Variants in BBX observed in about 807,000 individuals in gnomAD.
BBX encodes the protein HMG box transcription factor BBX.
BBX carries 30 observed loss-of-function variants against 100.2 expected under a neutral mutation model. The observed-to-expected ratio is 0.30, with a 90% CI of 0.22 to 0.41. BBX has a LOEUF of 0.41. Among genes scored for constraint, BBX ranks in the 10% least tolerant of loss-of-function variants. BBX has a pLI of 1.00. For missense variants in BBX, 1,023 were observed against 1,129.8 expected (o/e 0.91, Z 1.35); for synonymous variants, 376 against 388.1 (o/e 0.97, Z 0.37).
At chr3:107,798,910 G>A (rs1197636192) in intron 16 of BBX, among the ~76,000 whole-genome samples, 190 bp downstream of exon 16, 4 of 151,224 alleles carry the variant, frequency 2.6e-5, no homozygotes, top group Non-Finnish European at 4.4e-5. Flanking sequence ...CAACGCTTTA[G>A]GAGGCTGAGG....
chr3:107,689,128 T>C (rs2060008846), intron 3 of BBX, among the ~76,000 whole-genome samples: 2 of 152,354 alleles, frequency 1.3e-5, no homozygotes, highest in Middle Eastern at 3.4e-3. Flanking sequence ...CCTAAACTTT[T>C]ATTCTTAAGC....
intron 10 of BBX, among the ~76,000 whole-genome samples, chr3:107,756,275 G>A (rs761960794): frequency 4.6e-5 from 7 of 152,090 alleles, no homozygotes; most frequent in Non-Finnish European, 8.8e-5. Context: ...TGTTGCTAGG[G>A]TGGGCAAGGC....
intron 2 of BBX, among the ~76,000 whole-genome samples, chr3:107,570,948 A>T (rs908964496): frequency 1.3e-5 from 2 of 152,142 alleles, no homozygotes; most frequent in African/African-American, 2.4e-5. Flanking sequence ...TTTCGACAAA[A>T]ATCATCCAGA....
intron 2 of BBX, among the ~76,000 whole-genome samples, chr3:107,602,504 A>T (rs933470897): frequency 2.6e-5 from 4 of 152,194 alleles, no homozygotes; most frequent in Non-Finnish European, 4.4e-5. Context: ...ACTTGAGCCC[A>T]GGAGTTTGAG....
intron 2 of BBX, among the ~76,000 whole-genome samples, chr3:107,566,783 A>C (rs1417490198): frequency 6.6e-6 from 1 of 151,350 alleles, no homozygotes; most frequent in African/African-American, 2.4e-5. Context: ...TTTGTTTTTC[A>C]TGTATTTATT....
At chr3:107,668,432 G>A (rs1274121216) in intron 3 of BBX, among the ~76,000 whole-genome samples, 2 of 152,124 alleles carry the variant, frequency 1.3e-5, no homozygotes, top group South Asian at 2.1e-4. Flanking sequence ...TACACAGCAC[G>A]TATAGATGTG....
intron 12 of BBX, among the ~76,000 whole-genome samples, chr3:107,777,778 C>T (rs923188509): frequency 6.6e-6 from 1 of 152,108 alleles, no homozygotes; most frequent in Non-Finnish European, 1.5e-5. Flanking sequence ...TGTCTTCATT[C>T]TAGTCCACTC....
intron 3 of BBX, among the ~76,000 whole-genome samples, chr3:107,706,165 A>C (rs1423539663): frequency 6.6e-6 from 1 of 151,660 alleles, no homozygotes; most frequent in African/African-American, 2.4e-5. Context: ...TGGGACTACA[A>C]GTGCATGCCA....
At position 107,745,009 on chromosome 3, in the gene BBX, T is replaced by C. The variant is rs145458765; in HGVS notation, c.750+299T>C. Among the ~76,000 whole-genome samples the C allele has an allele frequency of 1.2e-3, 184 of 152,340 alleles. 1 individual carries two copies. The highest frequency in any genetic ancestry group is 2.0e-3 in the Non-Finnish European group (138 of 68,032). The stretch of plus-strand genomic sequence containing the variant: ...AATATATTGAATTACTATTAGAATT[T>C]AGTCATTTGTTGATGTGTTTATTTG... On this transcript the variant is annotated intron_variant, in intron 8 of 17. Coordinates refer to ENST00000325805, the MANE Select transcript of BBX (RefSeq NM_001142568.3).
At chr3:107,613,271 C>T (rs944432323) in intron 2 of BBX, among the ~76,000 whole-genome samples, 2 of 150,060 alleles carry the variant, frequency 1.3e-5, no homozygotes, top group Admixed American at 6.6e-5. Flanking sequence ...ACTACAAGCT[C>T]TGCCTCCCGG....
intron 3 of BBX, among the ~76,000 whole-genome samples, chr3:107,663,787 TTTTC>T (rs777809020): frequency 6.6e-6 from 1 of 150,414 alleles, no homozygotes; most frequent in Non-Finnish European, 1.5e-5. Flanking sequence ...ATTTAGCTGT[TTTTC>T]TTTCTTTCTC....
At chr3:107,651,929 G>T (rs1269493812) in intron 3 of BBX, among the ~76,000 whole-genome samples, 1 of 152,118 alleles carries the variant, frequency 6.6e-6, no homozygotes, top group Non-Finnish European at 1.5e-5. Context: ...TCTGTCTCTA[G>T]TAAGCAGAAA....
intron 2 of BBX, among the ~76,000 whole-genome samples, chr3:107,622,934 C>G (rs1185197822): frequency 6.6e-6 from 1 of 152,130 alleles, no homozygotes; most frequent in Non-Finnish European, 1.5e-5. Context: ...GAATTTGTCC[C>G]ACTTATTTGC....
chr3:107,673,056 G>T (rs1221826906), intron 3 of BBX, among the ~76,000 whole-genome samples: 1 of 152,002 alleles, frequency 6.6e-6, no homozygotes, highest in East Asian at 1.9e-4. Context: ...AGTTAAATTG[G>T]ATAATCTCTG....
intron 3 of BBX, among the ~76,000 whole-genome samples, chr3:107,702,329 CTT>C (rs1416966617): frequency 6.6e-6 from 1 of 152,194 alleles, no homozygotes; most frequent in African/African-American, 2.4e-5. Flanking sequence ...TTGAAAGTGA[CTT>C]TGATTTTATT....
intron 3 of BBX, among the ~76,000 whole-genome samples, chr3:107,692,546 A>T (rs1310007513): frequency 1.3e-5 from 2 of 152,212 alleles, no homozygotes; most frequent in Non-Finnish European, 2.9e-5. Context: ...ATGGCTGCAT[A>T]GTAGTATTCT....
At chr3:107,647,693 A>G (rs752608521) in intron 3 of BBX, among the ~76,000 whole-genome samples, 1 of 152,204 alleles carries the variant, frequency 6.6e-6, no homozygotes, top group Non-Finnish European at 1.5e-5. Flanking sequence ...TCTGGGAAAC[A>G]TATCAGTCAA....
At chr3:107,734,505 C>T (rs564461722) in intron 7 of BBX, among the ~76,000 whole-genome samples, 1 of 152,198 alleles carries the variant, frequency 6.6e-6, no homozygotes, top group Admixed American at 6.5e-5. Context: ...TGTAGAGTAT[C>T]CCAAGCGTGT....
chr3:107,712,049 T>C (rs9874584), intron 4 of BBX, among the ~76,000 whole-genome samples: 17,675 of 152,092 alleles, frequency 0.12, 1,361 homozygotes, highest in Middle Eastern at 0.17. Context: ...CTAATTTTGT[T>C]TATATTTTGT....
Sources: gnomAD v4.1 joint callset for allele counts (sites outside exome capture counted in the v4.1 genomes callset) on GRCh38, gnomAD v4.1.1 for gene constraint, MANE v1.5 for transcripts, NCBI Gene and HGNC (gene_info 2026-07-23, HGNC 2026-07-21) for gene names.